Variants in UBE2O observed in about 807,000 individuals in gnomAD.
UBE2O encodes ubiquitin conjugating enzyme E2 O, also known as (E3-independent) E2 ubiquitin-conjugating enzyme.
Under a neutral mutation model 125.8 loss-of-function variants are expected in UBE2O, and 15 were observed. The ratio of observed to expected loss-of-function variants is 0.12; its 90% CI spans 0.08 to 0.18. The LOEUF is 0.18. UBE2O is among the 10% of genes least tolerant of loss of function. The pLI is 1.00. For missense variants in UBE2O, 1,280 were observed against 1,723.6 expected (o/e 0.74, Z 4.56); for synonymous variants, 708 against 703.2 (o/e 1.01, Z -0.11).
At chr17:76,423,932 C>T (rs1375556614) in intron 1 of UBE2O, among the ~76,000 whole-genome samples, 8 of 122,892 alleles carry the variant, frequency 6.5e-5, no homozygotes, top group Non-Finnish European at 4.8e-5. Context: ...GACGGAGTCT[C>T]GCTCTGTCAC....
Position 76,396,239 on chromosome 17 carries a change from C to G in UBE2O, c.2698G>C (p.Ala900Pro). 2 of 1,614,224 alleles carry G rather than the reference C, an allele frequency of 1.2e-6. No individual in the cohort carries two copies. The highest frequency in any genetic ancestry group is 2.2e-5 in the South Asian group (2 of 91,090). ...DKPEGQSPVK[A>P]EWPSETPVLC... is the part of the protein sequence containing the mutation. ...ACCGGGGTTTCGCTGGGCCACTCAG[C>G]CTTCACAGGTGACTGCCCCTCGGGC... Residue 900 changes from alanine to proline, a missense_variant, in exon 14 of 18, where the codon GCT (alanine) becomes CCT (proline). Ala to Pro is a conservative substitution (Grantham distance 27). This residue lies in a region of UBE2O where 116 missense variants were observed against 154.8 expected (regional missense o/e 0.75). Transcript: ENST00000319380. The surrounding 1 kb of genome is among the most constrained non-coding windows in gnomAD (Gnocchi z 6.7).
intron 1 of UBE2O, among the ~76,000 whole-genome samples, chr17:76,411,118 A>G (rs2072509855): frequency 6.6e-6 from 1 of 152,066 alleles, no homozygotes; most frequent in Non-Finnish European, 1.5e-5. Flanking sequence ...CTTCCAGGTA[A>G]TACTCCCACC....
chr17:76,427,078 G>A (rs1411572705), intron 1 of UBE2O, among the ~76,000 whole-genome samples: 1 of 152,096 alleles, frequency 6.6e-6, no homozygotes, highest in Non-Finnish European at 1.5e-5. Flanking sequence ...GAGTTTCACT[G>A]TTGAACCTGG....
At chr17:76,433,637 C>T (rs903500544) in intron 1 of UBE2O, among the ~76,000 whole-genome samples, 8 of 150,810 alleles carry the variant, frequency 5.3e-5, no homozygotes, top group African/African-American at 1.2e-4. Context: ...GGGTCTCGAT[C>T]GCTTGAACCC....
rs1487476736 is a variant in UBE2O at position 76,404,772 on chromosome 17, G to C, written c.588+434C>G. Among the ~76,000 whole-genome samples, 1 of 152,086 alleles carries C rather than the reference G, an allele frequency of 6.6e-6. No homozygotes were observed. The highest frequency in any genetic ancestry group is 2.4e-5 in the African/African-American group (1 of 41,416). On this transcript the variant is annotated intron_variant, in intron 3 of 17. Coordinates refer to ENST00000319380, the MANE Select transcript of UBE2O (RefSeq NM_022066.4). The surrounding 1 kb of genome is among the most constrained non-coding windows in gnomAD (Gnocchi z 4.3). ...TTTTGGGAAGAAAAAAGACCGGAGG[G>C]GGATCTCGGGGAAAAGGAGGGAGGG...
At chr17:76,408,884 G>A (rs2072468955) in intron 1 of UBE2O, among the ~76,000 whole-genome samples, 1 of 152,162 alleles carries the variant, frequency 6.6e-6, no homozygotes, top group Non-Finnish European at 1.5e-5. Context: ...GGGGATCTGG[G>A]GTCGGGGGTG....
intron 15 of UBE2O, among the ~76,000 whole-genome samples, chr17:76,394,433 G>A (rs2072169441): frequency 6.6e-6 from 1 of 152,174 alleles, no homozygotes; most frequent in Non-Finnish European, 1.5e-5. Flanking sequence ...CACGAACAGA[G>A]GAGTGGGAAA....
intron 1 of UBE2O, among the ~76,000 whole-genome samples, chr17:76,409,487 CTG>C (rs1485609552): frequency 1.3e-5 from 2 of 152,002 alleles, no homozygotes; most frequent in Admixed American, 1.3e-4. Context: ...ACCTCCGCCT[CTG>C]GGGTTCAAGT....
chr17:76,449,861 G>A (rs562301619), intron 1 of UBE2O, among the ~76,000 whole-genome samples: 1 of 151,512 alleles, frequency 6.6e-6, no homozygotes. Flanking sequence ...CAGAGGTTGC[G>A]GTGAGCCGAG....
chr17:76,439,079 C>T (rs2073042164), intron 1 of UBE2O, among the ~76,000 whole-genome samples: 1 of 152,216 alleles, frequency 6.6e-6, no homozygotes, highest in Non-Finnish European at 1.5e-5. Context: ...CCTGCACACA[C>T]ACAGCAAGCA....
Position 76,399,187 on chromosome 17 carries a change from C to G in UBE2O, c.1629-196G>C. 1.3e-6 allele frequency: 1 copy of G among 796,554 alleles called. No individual in the cohort carries two copies. Among genetic ancestry groups the G allele is most frequent in the Non-Finnish European group, 1.9e-6 (1 of 515,344 alleles). The allele number at this position is 796,554 out of a possible 1,614,324, so 49.3% of individuals were successfully genotyped here. A position where few individuals can be genotyped will look rare whatever the true frequency, so the allele number is the denominator to read the frequency against. ...GCCACGCATTCTCTGAGAACAGGAT[C>G]CACTTGGGAGAGCTCAGGCAAATGT... On this transcript the variant is annotated intron_variant, in intron 9 of 17. Transcript: ENST00000319380. This position sits in a 1 kb window ranked among gnomAD's most constrained non-coding sequence, Gnocchi z 6.9.
intron 1 of UBE2O, among the ~76,000 whole-genome samples, chr17:76,434,039 T>TA (rs2072944704): frequency 6.6e-6 from 1 of 152,216 alleles, no homozygotes; most frequent in South Asian, 2.1e-4. Context: ...CTTCTACTCT[T>TA]AGAAATTAGA....
In UBE2O at chr17:76,402,210, C is replaced by A; in HGVS notation, c.687-83G>T. ...TTGCGATTCTGAGATGCCAATGCGC[C>A]CACATGCCCTAAATAGCACAATTCG... On this transcript the variant is annotated intron_variant, in intron 4 of 17. Coordinates refer to ENST00000319380, the MANE Select transcript of UBE2O (RefSeq NM_022066.4). This position sits in a 1 kb window ranked among gnomAD's most constrained non-coding sequence, Gnocchi z 5.4. The A allele has an allele frequency of 8.0e-7, 1 of 1,244,280 alleles. No individual in the cohort carries two copies. The highest frequency in any genetic ancestry group is 1.5e-5 in the African/African-American group (1 of 67,372). 77.1% of individuals were successfully genotyped at this position (1,244,280 alleles called of 1,614,324 possible).
chr17:76,398,996 G>A lies in UBE2O; in HGVS notation c.1629-5C>T, dbSNP rs560442396. ...GTCACCACCTCCACTGCCACCCTGCGGGTGCAGGCCAGTCAGCAGGCCATG... is the reference window on the plus strand; with the variant it reads ...GTCACCACCTCCACTGCCACCCTGCAGGTGCAGGCCAGTCAGCAGGCCATG... On this transcript the variant is annotated splice_region_variant and splice_polypyrimidine_tract_variant and intron_variant, in intron 9 of 17. Coordinates refer to ENST00000319380, the MANE Select transcript of UBE2O (RefSeq NM_022066.4). The surrounding 1 kb of genome is among the most constrained non-coding windows in gnomAD (Gnocchi z 5.4). 53 of 1,613,250 alleles carry A rather than the reference G, an allele frequency of 3.3e-5. No individual in the cohort carries two copies. The highest frequency in any genetic ancestry group is 4.1e-5 in the Non-Finnish European group (48 of 1,179,808).
At chr17:76,393,605 A>G (rs1349954321) in intron 15 of UBE2O, among the ~76,000 whole-genome samples, 1 of 152,124 alleles carries the variant, frequency 6.6e-6, no homozygotes, top group Non-Finnish European at 1.5e-5. Flanking sequence ...CCAACAAGGC[A>G]AGTAGTACAA....
At chr17:76,415,974 C>G (rs150885501) in intron 1 of UBE2O, among the ~76,000 whole-genome samples, 4 of 128,740 alleles carry the variant, frequency 3.1e-5, no homozygotes, top group African/African-American at 5.1e-5. Flanking sequence ...TATACGTATG[C>G]GTATACATAT....
At position 76,429,062 on chromosome 17, in the gene UBE2O, C is replaced by T. The variant is rs113556863; in HGVS notation, c.418-23490G>A. On this transcript the variant is annotated intron_variant, in intron 1 of 17. Coordinates refer to ENST00000319380, the MANE Select transcript of UBE2O (RefSeq NM_022066.4). Reference sequence around the variant, plus strand: ...GATTACGGGCGCATGCCACCATGCCCGGCTAATTTTTGTATTTTTAGTAGA... The same window carrying T: ...GATTACGGGCGCATGCCACCATGCCTGGCTAATTTTTGTATTTTTAGTAGA... Among the ~76,000 whole-genome samples, 1,003 of 151,788 alleles carry T rather than the reference C, an allele frequency of 6.6e-3. 12 individuals carry two copies. Among genetic ancestry groups the T allele is most frequent in the African/African-American group, 0.022 (929 of 41,416 alleles).
intron 1 of UBE2O, among the ~76,000 whole-genome samples, chr17:76,425,225 C>CAAAAAAAAAAAAAAAAAAAAAAA: frequency 1.1e-5 from 1 of 95,080 alleles, no homozygotes; most frequent in Non-Finnish European, 2.3e-5. Context: ...GTCCTTTCGA[C>CAAAAAAAAAAAAAAAAAAAAAAA]AAAAAAAAAA....
chr17:76,400,271 T>C lies in UBE2O; in HGVS notation c.1031A>G (p.His344Arg), dbSNP rs926306435. Residue 344 changes from histidine to arginine, a missense_variant, in exon 8 of 18, where the codon CAT becomes CGT. By Grantham distance (29) the His-to-Arg change is conservative. Coordinates refer to ENST00000319380, the MANE Select transcript of UBE2O (RefSeq NM_022066.4). The surrounding 1 kb of genome is among the most constrained non-coding windows in gnomAD (Gnocchi z 4.3). Reference protein sequence around the residue: ...GRVKRLGCFDHAQRQLGERCL... With the variant: ...GRVKRLGCFDRAQRQLGERCL... ...GCGCTCCCCAAGCTGCCGCTGAGCATGGTCAAAGCATCCGAGACGCTTCAC... is the reference window on the plus strand; with the variant it reads ...GCGCTCCCCAAGCTGCCGCTGAGCACGGTCAAAGCATCCGAGACGCTTCAC... 2.5e-6 allele frequency: 4 copies of C among 1,613,912 alleles called. No individual in the cohort carries two copies. The highest frequency in any genetic ancestry group is 1.7e-5 in the Admixed American group (1 of 60,020).
Sources: gnomAD v4.1 joint callset for allele counts (sites outside exome capture counted in the v4.1 genomes callset) on GRCh38, gnomAD v4.1.1 for gene constraint, gnomAD v4.1.1 regional missense constraint, Gnocchi (gnomAD v3.1) non-coding constraint, MANE v1.5 for transcripts, NCBI Gene and HGNC (gene_info 2026-07-23, HGNC 2026-07-21) for gene names.